The following GALNT2 variants were observed in gnomAD, a reference collection of about 807,000 sequenced individuals.
GALNT2 encodes the protein UDP-GalNAc:polypeptide N-acetylgalactosaminyltransferase 2.
In GALNT2, 31 loss-of-function variants were observed where a neutral mutation model predicts 81.4. The ratio of observed to expected loss-of-function variants is 0.38; its 90% CI spans 0.29 to 0.51. The LOEUF (loss-of-function observed/expected upper bound fraction) is 0.51. Ranked by LOEUF, GALNT2 falls within the 20% of genes least tolerant of loss-of-function variation. The probability of loss-of-function intolerance (pLI) is 0.87; values close to 1 mark genes in which losing one functional copy is unlikely to be tolerated. For missense variants in GALNT2, 629 were observed against 765.7 expected (o/e 0.82, Z 2.11); for synonymous variants, 303 against 287.4 (o/e 1.05, Z -0.55).
intron 1 of GALNT2, among the ~76,000 whole-genome samples, chr1:230,175,669 TC>T (rs929977579): frequency 2.2e-5 from 3 of 134,092 alleles, no homozygotes; most frequent in Non-Finnish European, 4.8e-5. Flanking sequence ...CTCACTGTCC[TC>T]CCCCTCCTTC....
intron 11 of GALNT2, among the ~76,000 whole-genome samples, chr1:230,256,771 CCTTCT>C (rs1226987990): frequency 3.9e-5 from 6 of 152,188 alleles, no homozygotes; most frequent in Admixed American, 3.9e-4. Flanking sequence ...AGGGAGATTG[CCTTCT>C]CTTGAGTGTA....
intron 2 of GALNT2, among the ~76,000 whole-genome samples, chr1:230,184,685 A>G (rs947477851): frequency 2.6e-5 from 4 of 151,998 alleles, no homozygotes; most frequent in African/African-American, 9.7e-5. Flanking sequence ...ATTTTCTGCA[A>G]TTTGAATATG....
chr1:230,167,349 G>A (rs920456191), intron 1 of GALNT2, among the ~76,000 whole-genome samples: 10 of 152,128 alleles, frequency 6.6e-5, no homozygotes, highest in Admixed American at 2.0e-4. Context: ...GTCTCACCAC[G>A]TTGCCCAGGC....
intron 8 of GALNT2, among the ~76,000 whole-genome samples, chr1:230,247,846 A>C (rs1055290484): frequency 6.6e-6 from 1 of 152,196 alleles, no homozygotes; most frequent in Non-Finnish European, 1.5e-5. Context: ...TCTTTGGACC[A>C]AATTAATAAA....
At position 230,253,289 on chromosome 1, in the gene GALNT2, A is replaced by G. The variant is rs527726239; in HGVS notation, c.1010-1929A>G. Among the ~76,000 whole-genome samples, 23 of 152,292 alleles carry G rather than the reference A, an allele frequency of 1.5e-4. No homozygotes were observed. The South Asian group carries it at 4.6e-3, about 30-fold the overall frequency. On this transcript the variant is annotated intron_variant, in intron 10 of 15. Coordinates refer to ENST00000366672, the MANE Select transcript of GALNT2 (RefSeq NM_004481.5). ...AAGCCCCGTAACAGCTGCATGGATC[A>G]CCCATTCCTAGTGAGTGAGGCATTA... is the stretch of plus-strand genomic sequence containing the variant.
intron 1 of GALNT2, among the ~76,000 whole-genome samples, chr1:230,133,376 G>A (rs1452171933): frequency 6.6e-6 from 1 of 151,902 alleles, no homozygotes; most frequent in Non-Finnish European, 1.5e-5. Context: ...TTGCCACATC[G>A]TTAATATTTG....
At chr1:230,119,170 G>A (rs890167948) in intron 1 of GALNT2, among the ~76,000 whole-genome samples, 6 of 152,102 alleles carry the variant, frequency 3.9e-5, no homozygotes, top group Admixed American at 2.6e-4. Flanking sequence ...TAAAGTTACC[G>A]ACTGTGGTTG....
At chr1:230,259,372 C>T (rs7517119) in intron 11 of GALNT2, 1 of 152,000 alleles carries the variant, frequency 6.6e-6, no homozygotes, top group African/African-American at 2.4e-5. Flanking sequence ...TCATAATTTT[C>T]TGCATGAAAC....
rs1248266478 is a variant in GALNT2 at position 230,193,575 on chromosome 1, G to A, written c.221-9562G>A. On this transcript the variant is annotated intron_variant, in intron 2 of 15. Transcript: ENST00000366672. The surrounding 1 kb of genome is among the most constrained non-coding windows in gnomAD (Gnocchi z 4.3). The stretch of plus-strand genomic sequence containing the variant: ...AATTCTTTGAAGGGTCAGTTTTATA[G>A]GTTTCTGTCATCTTTTTTTTTTCAA... Among the ~76,000 whole-genome samples, 18 of 148,374 alleles carry A rather than the reference G, an allele frequency of 1.2e-4. No individual in the cohort carries two copies. In the Admixed American group the frequency reaches 1.2e-3, roughly 10 times the overall value.
At chr1:230,214,988 C>T (rs1664343340) in intron 3 of GALNT2, among the ~76,000 whole-genome samples, 1 of 152,186 alleles carries the variant, frequency 6.6e-6, no homozygotes, top group Non-Finnish European at 1.5e-5. Context: ...TCAGGGCTCT[C>T]ACTGACTTTT....
intron 1 of GALNT2, among the ~76,000 whole-genome samples, chr1:230,085,915 A>T (rs1306041883): frequency 6.6e-6 from 1 of 152,188 alleles, no homozygotes; most frequent in Non-Finnish European, 1.5e-5. Context: ...TGTTTGTGAA[A>T]TGTTGGGGAA....
intron 1 of GALNT2, among the ~76,000 whole-genome samples, chr1:230,111,365 A>C (rs1660701021): frequency 6.6e-6 from 1 of 152,272 alleles, no homozygotes. Context: ...ACATGTGTGC[A>C]TGGAACATAT....
At chr1:230,248,670 A>G (rs1665451145) in intron 8 of GALNT2, among the ~76,000 whole-genome samples, 1 of 152,168 alleles carries the variant, frequency 6.6e-6, no homozygotes, top group Non-Finnish European at 1.5e-5. Context: ...AAGTTTTCAT[A>G]TTCCCAGCAT....
At chr1:230,105,119 T>C (rs1219204804) in intron 1 of GALNT2, among the ~76,000 whole-genome samples, 1 of 152,220 alleles carries the variant, frequency 6.6e-6, no homozygotes, top group Non-Finnish European at 1.5e-5. Context: ...TTAGATCCAT[T>C]CTGCTATTTA....
intron 2 of GALNT2, among the ~76,000 whole-genome samples, chr1:230,183,126 G>A (rs1663212544): frequency 6.6e-6 from 1 of 151,944 alleles, no homozygotes; most frequent in East Asian, 1.9e-4. Context: ...CTTGGTAAAG[G>A]CCATTCTTTA....
At chr1:230,182,332 G>C (rs1412993660) in intron 2 of GALNT2, among the ~76,000 whole-genome samples, 2 of 151,546 alleles carry the variant, frequency 1.3e-5, no homozygotes, top group East Asian at 3.9e-4. Flanking sequence ...ATTGCTTTTA[G>C]ATCTTTCTTA....
chr1:230,124,413 C>A (rs1219082641), intron 1 of GALNT2, among the ~76,000 whole-genome samples: 1 of 152,122 alleles, frequency 6.6e-6, no homozygotes, highest in Non-Finnish European at 1.5e-5. Flanking sequence ...GCTGGAATGT[C>A]CCCTTGTCAC....
rs932610304 is a variant in GALNT2 at position 230,070,299 on chromosome 1, C to T, written c.126+2893C>T. On this transcript the variant is annotated intron_variant, in intron 1 of 15. Coordinates refer to ENST00000366672, the MANE Select transcript of GALNT2 (RefSeq NM_004481.5). This position sits in a 1 kb window ranked among gnomAD's most constrained non-coding sequence, Gnocchi z 4.7. Reference sequence around the variant, plus strand: ...CTAAATTGATGATTTGCACTTCAAGCGTGCCTTTCCTTTGAGCTTCTTAAA... The same window carrying T: ...CTAAATTGATGATTTGCACTTCAAGTGTGCCTTTCCTTTGAGCTTCTTAAA... Among the ~76,000 whole-genome samples the T allele has an allele frequency of 1.3e-5, 2 of 152,234 alleles. No individual in the cohort carries two copies. Among genetic ancestry groups the T allele is most frequent in the African/African-American group, 4.8e-5 (2 of 41,450 alleles).
At position 230,275,983 on chromosome 1, in the gene GALNT2, GTATA is replaced by G. The variant is rs1375622273; in HGVS notation, c.1560+1424_1560+1427del. Among the ~76,000 whole-genome samples, 1 of 62,828 alleles carries G rather than the reference GTATA, an allele frequency of 1.6e-5. No homozygotes were observed. The highest frequency in any genetic ancestry group is 3.0e-5 in the Non-Finnish European group (1 of 33,590). 41.2% of individuals were successfully genotyped at this position (62,828 alleles called of 152,430 possible). On this transcript the variant is annotated intron_variant, in intron 15 of 15. Transcript: ENST00000366672. The surrounding 1 kb of genome is among the most constrained non-coding windows in gnomAD (Gnocchi z 5.5). ...ATATATACATGCCACATATATATAC[GTATA>G]TATACATGCCACATATATATACGTA... is the stretch of plus-strand genomic sequence containing the variant.
Sources: gnomAD v4.1 joint callset for allele counts (sites outside exome capture counted in the v4.1 genomes callset) on GRCh38, gnomAD v4.1.1 for gene constraint, Gnocchi (gnomAD v3.1) non-coding constraint, MANE v1.5 for transcripts, NCBI Gene and HGNC (gene_info 2026-07-23, HGNC 2026-07-21) for gene names.